The following COL4A1 variants were observed in gnomAD, a reference collection of about 807,000 sequenced individuals.
The protein encoded by COL4A1 is collagen alpha-1(IV) chain.
A neutral mutation model predicts 216.6 loss-of-function variants in COL4A1; 40 were observed. The observed-to-expected ratio is 0.18, with a 90% CI of 0.14 to 0.24. COL4A1 has a LOEUF of 0.24. COL4A1 is among the 10% of genes least tolerant of loss of function. COL4A1 has a pLI of 1.00. For synonymous variants in COL4A1, 839 were observed against 810.7 expected, an observed-to-expected ratio of 1.03 and a Z score of -0.59; for missense variants, 1,628 against 2,196.8, an observed-to-expected ratio of 0.74 and a Z score of 5.18.
At chr13:110,194,806 C>CT (rs1439618259) in intron 22 of COL4A1, among the ~76,000 whole-genome samples, 1 of 152,184 alleles carries the variant, frequency 6.6e-6, no homozygotes, top group Non-Finnish European at 1.5e-5. Context: ...GGGCAAAACT[C>CT]TGACTTTCAG....
intron 22 of COL4A1, among the ~76,000 whole-genome samples, chr13:110,193,758 G>A (rs537336832): frequency 1.3e-4 from 20 of 152,346 alleles, no homozygotes; most frequent in African/African-American, 2.9e-4. Context: ...CCATGCCCCC[G>A]AAGTGTGGGA....
At chr13:110,273,558 TCAG>T (rs752197621) in intron 1 of COL4A1, among the ~76,000 whole-genome samples, 4 of 152,180 alleles carry the variant, frequency 2.6e-5, no homozygotes, top group Non-Finnish European at 5.9e-5. Flanking sequence ...GTTTCCAAAC[TCAG>T]ATCCTACAGT....
intron 49 of COL4A1, among the ~76,000 whole-genome samples, chr13:110,156,043 C>T (rs992100639): frequency 1.3e-5 from 2 of 152,178 alleles, no homozygotes; most frequent in Non-Finnish European, 2.9e-5. Flanking sequence ...CACTGCTCTA[C>T]GGCCTGGGCA....
At chr13:110,203,488 C>A (rs969333866) in intron 18 of COL4A1, 78 bp downstream of exon 18, 1 of 1,526,878 alleles carries the variant, frequency 6.5e-7, no homozygotes, top group Non-Finnish European at 9.1e-7. Context: ...TTCCTCCCCC[C>A]AGTGCTCTCA....
At chr13:110,277,645 T>C (rs1045721631) in intron 1 of COL4A1, among the ~76,000 whole-genome samples, 13 of 152,264 alleles carry the variant, frequency 8.5e-5, no homozygotes, top group Admixed American at 2.0e-4. Context: ...TGTAACACAA[T>C]TGCACTCATA....
At chr13:110,215,688 C>T (rs537754653) in intron 2 of COL4A1, among the ~76,000 whole-genome samples, 22 of 152,250 alleles carry the variant, frequency 1.4e-4, no homozygotes, top group African/African-American at 4.8e-4. Flanking sequence ...CCATTGTTAG[C>T]TGATTTAAAA....
chr13:110,240,387 C>A (rs1374241099), intron 2 of COL4A1, among the ~76,000 whole-genome samples: 1 of 152,214 alleles, frequency 6.6e-6, no homozygotes, highest in Non-Finnish European at 1.5e-5. Flanking sequence ...CTCCTTCCAT[C>A]CCAGTCCTGG....
chr13:110,179,831 C>G (rs1307660392), intron 29 of COL4A1, among the ~76,000 whole-genome samples: 2 of 152,124 alleles, frequency 1.3e-5, no homozygotes. Context: ...TGGCAAGGTT[C>G]CAGGGCTAGC....
At chr13:110,208,221 T>C (rs538571118) in intron 12 of COL4A1, among the ~76,000 whole-genome samples, 1 of 152,342 alleles carries the variant, frequency 6.6e-6, no homozygotes, top group African/African-American at 2.4e-5. Flanking sequence ...GACCCACCAC[T>C]TGCCTCCTCT....
At chr13:110,219,720 ATATGTG>A (rs1297361666) in intron 2 of COL4A1, among the ~76,000 whole-genome samples, 3 of 140,234 alleles carry the variant, frequency 2.1e-5, no homozygotes, top group Non-Finnish European at 4.5e-5. Flanking sequence ...ATGTGTATAT[ATATGTG>A]TGTATATATA....
At chr13:110,163,986 T>C (rs1307863180) in intron 46 of COL4A1, among the ~76,000 whole-genome samples, 3 of 52,590 alleles carry the variant, frequency 5.7e-5, no homozygotes, top group Admixed American at 1.5e-4. Context: ...CTCTCTCTCT[T>C]TTTTTTTTTT....
At chr13:110,201,037 A>G in intron 19 of COL4A1, 148 bp from the exon 20 acceptor site, 1 of 821,144 alleles carries the variant, frequency 1.2e-6, no homozygotes, top group African/African-American at 1.7e-5. Flanking sequence ...AGACCACCCG[A>G]GCCCCCACTC....
At chr13:110,265,206 G>C (rs1273243109) in intron 1 of COL4A1, 3 of 152,246 alleles carry the variant, frequency 2.0e-5, no homozygotes, top group Admixed American at 6.5e-5. Context: ...AAGAAAGGTA[G>C]GGAGGTAGAA....
intron 17 of COL4A1, among the ~76,000 whole-genome samples, chr13:110,204,985 T>C (rs1262046916): frequency 2.0e-5 from 3 of 152,222 alleles, no homozygotes; most frequent in African/African-American, 7.2e-5. Context: ...AAAAACTGCC[T>C]GCTTGTGTAT....
intron 1 of COL4A1, among the ~76,000 whole-genome samples, chr13:110,294,001 C>T: frequency 6.6e-6 from 1 of 152,166 alleles, no homozygotes; most frequent in East Asian, 1.9e-4. Context: ...AAGCCTTGGT[C>T]CTTGGAACCA....
At chr13:110,199,263 C>G (rs2139188266) in intron 20 of COL4A1, among the ~76,000 whole-genome samples, 1 of 152,300 alleles carries the variant, frequency 6.6e-6, no homozygotes, top group Non-Finnish European at 1.5e-5. Flanking sequence ...GAGGGACGCA[C>G]CAGCTTCTGC....
chr13:110,212,737 G>A (rs1436281794), intron 4 of COL4A1, 119 bp from the exon 5 acceptor site: 1 of 1,155,722 alleles, frequency 8.7e-7, no homozygotes, highest in Admixed American at 1.9e-5. Flanking sequence ...CACACACAAA[G>A]CAGACAGAGC....
chr13:110,155,360 C>T lies in COL4A1; in HGVS notation c.4678G>A (p.Val1560Met), dbSNP rs754511803. The T allele has an allele frequency of 4.3e-6, 7 of 1,614,112 alleles. No individual in the cohort carries two copies. The highest frequency in any genetic ancestry group is 2.2e-5 in the East Asian group (1 of 44,874). ...GGGATCTGAATGGTCTGGCTGTGCA[C>T]GGCCATCACCATGGCAGGCGCCTCA... ...VCEAPAMVMA[V>M]HSQTIQIPPC... The change falls in exon 50 of 52, where the codon GTG (valine) becomes ATG (methionine). Residue 1560 changes from valine (V) to methionine (M), a missense_variant. By Grantham distance (21) the Val-to-Met change is conservative. This residue lies in a region of COL4A1 where 254 missense variants were observed against 300.1 expected (regional missense o/e 0.85). Coordinates refer to ENST00000375820, the MANE Select transcript of COL4A1 (RefSeq NM_001845.6).
Position 110,172,765 on chromosome 13 carries a change from G to C in COL4A1, c.3511C>G (p.Pro1171Ala), listed in dbSNP as rs764681618. Residue 1171 changes from proline to alanine, a missense_variant, in exon 41 of 52, where the codon CCA (proline) becomes GCA (alanine). Physicochemically the swap from Pro to Ala is conservative, Grantham distance 27. Around this residue, in one of 8 missense-constraint regions of COL4A1, gnomAD observed 345 missense variants for 476.9 expected, o/e 0.72. Transcript: ENST00000375820. ...GGAAACCCTGGGAATCCTCTTCCTG[G>C]TAGACCTATAAGATGAGGGTAAAAT... is the stretch of plus-strand genomic sequence containing the variant. ...SAGEKGEPGL[P>A]GRGFPGFPGA... 1 of 1,613,912 alleles carries C rather than the reference G, an allele frequency of 6.2e-7. No homozygotes were observed.
Sources: allele counts gnomAD v4.1 joint callset (sites outside exome capture counted in the v4.1 genomes callset), GRCh38; gene constraint gnomAD v4.1.1; regional missense constraint gnomAD v4.1.1; transcripts MANE v1.5; gene names NCBI Gene and HGNC (gene_info 2026-07-23, HGNC 2026-07-21).